The following COLQ variants were observed in gnomAD, a reference collection of about 807,000 sequenced individuals.
COLQ encodes the protein acetylcholinesterase collagenic tail peptide.
Under a neutral mutation model 69.0 loss-of-function variants are expected in COLQ, and 48 were observed. The observed-to-expected ratio is 0.70, with a 90% CI of 0.55 to 0.88. The LOEUF (loss-of-function observed/expected upper bound fraction) is 0.88. Ranked by LOEUF, COLQ falls within the 40% of genes least tolerant of loss-of-function variation. The pLI, the probability that COLQ is intolerant of heterozygous loss-of-function variation, is 0.00. For missense variants in COLQ, 618 were observed against 594.6 expected, an observed-to-expected ratio of 1.04 and a Z score of -0.41; for synonymous variants, 217 against 211.2, an observed-to-expected ratio of 1.03 and a Z score of -0.24.
At chr3:15,496,405 C>T (rs2062746618) in intron 1 of COLQ, 1 of 156,148 alleles carries the variant, frequency 6.4e-6, no homozygotes, top group Admixed American at 6.5e-5. Context: ...TCCTCCCTCC[C>T]AGTCAACTAA....
At chr3:15,487,617 G>A (rs532442146) in intron 3 of COLQ, among the ~76,000 whole-genome samples, 1 of 152,340 alleles carries the variant, frequency 6.6e-6, no homozygotes, top group African/African-American at 2.4e-5. Flanking sequence ...CTCACCGATG[G>A]AGCACCCTCT....
intron 16 of COLQ, among the ~76,000 whole-genome samples, 190 bp downstream of exon 16, chr3:15,453,639 C>G (rs150553139): frequency 6.6e-5 from 10 of 152,280 alleles, no homozygotes; most frequent in African/African-American, 2.4e-4. Context: ...CAGTGGCACG[C>G]AGGCAGTGCT....
chr3:15,456,529 GT>G lies in COLQ; in HGVS notation c.1004del (p.Asn335ThrfsTer25). The part of the protein sequence containing the change: ...QEELERLNTQ[N>X]AIAFRRDQRS... ...TCTGGTCTCTGCGGAAGGCAATGGC[GT>G]TTTGGGTGTTCAGCCTCTCAAGCTC... is the stretch of plus-strand genomic sequence containing the variant. On this transcript the variant is annotated frameshift_variant, in exon 14 of 17. Transcript: ENST00000383788. LOFTEE classifies it high-confidence loss of function. 1 of 1,614,176 alleles carries G rather than the reference GT, an allele frequency of 6.2e-7. No homozygotes were observed. The highest frequency in any genetic ancestry group is 1.3e-5 in the African/African-American group (1 of 75,044).
Position 15,477,141 on chromosome 3 carries a change from G to A in COLQ, c.450C>T (p.Gly150=), listed in dbSNP as rs771279997. The A allele has an allele frequency of 1.5e-5, 24 of 1,602,876 alleles. No individual in the cohort carries two copies. The highest frequency in any genetic ancestry group is 2.0e-5 in the Non-Finnish European group (24 of 1,175,216). The change falls in exon 6 of 17, where the codon GGC becomes GGT. Residue 150 remains glycine, a synonymous_variant. Coordinates refer to ENST00000383788, the MANE Select transcript of COLQ (RefSeq NM_005677.4). ...PGMPGPIGWP[G]PEGPRGEKGD... ...CCACACTTACCCTGGGTCCTTCAGG[G>A]CCTGGCCAACCGATGGGCCCAGGCA...
chr3:15,487,959 A>G (rs944045031), intron 3 of COLQ, among the ~76,000 whole-genome samples: 1 of 152,202 alleles, frequency 6.6e-6, no homozygotes, highest in South Asian at 2.1e-4. Flanking sequence ...GATTCCCCCA[A>G]AATTCAGTAT....
intron 15 of COLQ, among the ~76,000 whole-genome samples, chr3:15,454,571 C>T (rs1301891013): frequency 1.3e-5 from 2 of 151,320 alleles, no homozygotes; most frequent in Non-Finnish European, 2.9e-5. Context: ...CTGGAGCTGT[C>T]GGGAGACAGT....
intron 1 of COLQ, among the ~76,000 whole-genome samples, chr3:15,511,786 C>T (rs2062988889): frequency 6.6e-6 from 1 of 152,022 alleles, no homozygotes; most frequent in Non-Finnish European, 1.5e-5. Context: ...TTTTGGGGGC[C>T]ACTCCATGAG....
chr3:15,460,524 G>A lies in COLQ; in HGVS notation c.815-2199C>T, dbSNP rs190843302. Among the ~76,000 whole-genome samples, 281 of 152,318 alleles carry A rather than the reference G, an allele frequency of 1.8e-3. 1 individual carries two copies. Among genetic ancestry groups the A allele is most frequent in the African/African-American group, 6.4e-3 (268 of 41,556 alleles). On this transcript the variant is annotated intron_variant, in intron 12 of 16. Transcript: ENST00000383788. ...CCAGGGGCTGGGAACACAGTTCACA[G>A]ATCCAGAAGGGCAGGAAATAAAATG...
intron 5 of COLQ, chr3:15,478,703 G>A (rs2062423008): frequency 2.6e-5 from 15 of 572,700 alleles, no homozygotes; most frequent in Non-Finnish European, 2.5e-5. Flanking sequence ...TCTGGGGTTG[G>A]GGCGGGAAGT....
chr3:15,514,839 G>A (rs2063036850), intron 1 of COLQ, among the ~76,000 whole-genome samples: 2 of 152,228 alleles, frequency 1.3e-5, no homozygotes, highest in African/African-American at 4.8e-5. Flanking sequence ...CCATTCCAGT[G>A]ATGGCCAGAA....
intron 15 of COLQ, among the ~76,000 whole-genome samples, chr3:15,454,174 G>A (rs779389341): frequency 2.0e-5 from 3 of 152,180 alleles, no homozygotes; most frequent in Non-Finnish European, 2.9e-5. Context: ...TACTAGCTGA[G>A]GGGTGGGGAG....
At chr3:15,516,499 G>C (rs190224581) in intron 1 of COLQ, among the ~76,000 whole-genome samples, 1 of 152,126 alleles carries the variant, frequency 6.6e-6, no homozygotes, top group Non-Finnish European at 1.5e-5. Flanking sequence ...TCTGAGACCC[G>C]GACCCAAACA....
chr3:15,509,067 C>A (rs1288109824), intron 1 of COLQ, among the ~76,000 whole-genome samples: 6 of 152,124 alleles, frequency 3.9e-5, no homozygotes, highest in Admixed American at 3.9e-4. Flanking sequence ...TTTATTGCTT[C>A]AATTAGAAAT....
intron 11 of COLQ, among the ~76,000 whole-genome samples, chr3:15,466,764 C>T (rs2062206408): frequency 6.6e-6 from 1 of 152,214 alleles, no homozygotes; most frequent in Non-Finnish European, 1.5e-5. Context: ...CATTGGCTTC[C>T]CGTTGCACTC....
chr3:15,473,917 AAGG>A lies in COLQ; in HGVS notation c.636+80_636+82del. 1 of 1,438,730 alleles carries A rather than the reference AAGG, an allele frequency of 7.0e-7. No homozygotes were observed. The highest frequency in any genetic ancestry group is 9.8e-7 in the Non-Finnish European group (1 of 1,025,346). The allele number at this position is 1,438,730 out of a possible 1,614,324, so 89.1% of individuals were successfully genotyped here. A position where few individuals can be genotyped will look rare whatever the true frequency, so the allele number is the denominator to read the frequency against. Reference sequence around the variant, plus strand: ...AACCCACCATCCCTGCCTGATAGACAAGGAGGCAGAGTTCTTTTTGTTGTGCTT... The same window carrying A: ...AACCCACCATCCCTGCCTGATAGACAAGGCAGAGTTCTTTTTGTTGTGCTT... On this transcript the variant is annotated intron_variant, in intron 10 of 16. Coordinates refer to ENST00000383788, the MANE Select transcript of COLQ (RefSeq NM_005677.4). This position sits in a 1 kb window ranked among gnomAD's most constrained non-coding sequence, Gnocchi z 4.0.
chr3:15,473,945 T>C lies in COLQ; in HGVS notation c.636+55A>G. 1.3e-6 allele frequency: 2 copies of C among 1,584,152 alleles called. No homozygotes were observed. The highest frequency in any genetic ancestry group is 8.7e-7 in the Non-Finnish European group (1 of 1,153,342). ...GAGGCAGAGTTCTTTTTGTTGTGCT[T>C]GGAGGACCTGATATTTTTATTGAGG... On this transcript the variant is annotated intron_variant, in intron 10 of 16. Coordinates refer to ENST00000383788, the MANE Select transcript of COLQ (RefSeq NM_005677.4). This position sits in a 1 kb window ranked among gnomAD's most constrained non-coding sequence, Gnocchi z 4.0.
intron 3 of COLQ, among the ~76,000 whole-genome samples, chr3:15,485,124 A>T (rs2062553251): frequency 6.6e-6 from 1 of 151,964 alleles, no homozygotes; most frequent in Non-Finnish European, 1.5e-5. Context: ...AACAGTCAGG[A>T]CCCTCTGCTG....
At chr3:15,488,820 ACTT>A (rs2062619101) in intron 2 of COLQ, among the ~76,000 whole-genome samples, 1 of 152,240 alleles carries the variant, frequency 6.6e-6, no homozygotes, top group Non-Finnish European at 1.5e-5. Context: ...TTCTCATACT[ACTT>A]CTTTCGAAAT....
At chr3:15,464,807 G>T (rs2062172371) in intron 12 of COLQ, among the ~76,000 whole-genome samples, 1 of 152,162 alleles carries the variant, frequency 6.6e-6, no homozygotes, top group Admixed American at 6.5e-5. Flanking sequence ...CAGTTGATGT[G>T]CTGTGAAAGC....
Sources: gnomAD v4.1 joint callset for allele counts (sites outside exome capture counted in the v4.1 genomes callset) on GRCh38, gnomAD v4.1.1 for gene constraint, Gnocchi (gnomAD v3.1) non-coding constraint, MANE v1.5 for transcripts, NCBI Gene and HGNC (gene_info 2026-07-23, HGNC 2026-07-21) for gene names.